Variants in GRM7 observed in about 807,000 individuals in gnomAD.
GRM7 encodes the protein metabotropic glutamate receptor 7.
GRM7 carries 35 observed loss-of-function variants against 84.5 expected under a neutral mutation model. That is an observed-to-expected ratio of 0.41 (90% CI 0.32 to 0.55). The LOEUF (loss-of-function observed/expected upper bound fraction) is 0.55. Ranked by LOEUF, GRM7 falls within the 20% of genes least tolerant of loss-of-function variation. The probability of loss-of-function intolerance (pLI) is 0.19; values close to 1 mark genes in which losing one functional copy is unlikely to be tolerated. For synonymous variants in GRM7, 487 were observed against 455.1 expected (o/e 1.07, Z -0.89); for missense variants, 1,003 against 1,194.6 (o/e 0.84, Z 2.36).
intron 8 of GRM7, among the ~76,000 whole-genome samples, chr3:7,618,185 C>A (rs1697196200): frequency 6.6e-6 from 1 of 152,120 alleles, no homozygotes; most frequent in African/African-American, 2.4e-5. Flanking sequence ...AGCCAAAACT[C>A]CTCCTGCATA....
At chr3:7,487,774 C>T (rs1330547692) in intron 7 of GRM7, among the ~76,000 whole-genome samples, 2 of 152,222 alleles carry the variant, frequency 1.3e-5, no homozygotes, top group African/African-American at 4.8e-5. Flanking sequence ...AGAGCCACCC[C>T]AGAGAGCCTT....
intron 2 of GRM7, among the ~76,000 whole-genome samples, chr3:7,194,485 G>A (rs528558969): frequency 2.0e-5 from 3 of 152,200 alleles, no homozygotes; most frequent in South Asian, 4.2e-4. Context: ...CGGAGTTTTG[G>A]AATATTTTAA....
chr3:7,656,522 A>AATAT (rs576010138), intron 8 of GRM7, among the ~76,000 whole-genome samples: 24 of 128,660 alleles, frequency 1.9e-4, no homozygotes, highest in African/African-American at 4.5e-4. Context: ...AATAAAAAAA[A>AATAT]ATATATATAT....
chr3:7,679,996 C>A, intron 8 of GRM7, 53 bp from the exon 9 acceptor site: 1 of 1,575,122 alleles, frequency 6.3e-7, no homozygotes, highest in African/African-American at 1.3e-5. Context: ...GTGTTCAGAC[C>A]CCTACTGCAG....
intron 4 of GRM7, among the ~76,000 whole-genome samples, chr3:7,316,334 A>G (rs1700581984): frequency 6.6e-6 from 1 of 152,152 alleles, no homozygotes; most frequent in Non-Finnish European, 1.5e-5. Context: ...ATGTACTTAA[A>G]GGATCATATT....
chr3:7,093,450 C>G (rs1397138926), intron 1 of GRM7, among the ~76,000 whole-genome samples: 1 of 151,334 alleles, frequency 6.6e-6, no homozygotes, highest in Non-Finnish European at 1.5e-5. Context: ...GAGGCCGAAG[C>G]GGGTGGATCA....
chr3:7,494,319 A>G lies in GRM7; in HGVS notation c.1515+32597A>G, dbSNP rs888228932. 5.3e-5 allele frequency among the ~76,000 whole-genome samples: 8 copies of G among 152,286 alleles called. No homozygotes were observed. The East Asian group carries it at 7.7e-4, about 15-fold the overall frequency. On this transcript the variant is annotated intron_variant, in intron 7 of 9. Transcript: ENST00000357716. Reference sequence around the variant, plus strand: ...TGTCCTTCTAGCCTGTGTGGTTTCAATGAGGAAATATACTGTCAAGTAAAT... The same window carrying G: ...TGTCCTTCTAGCCTGTGTGGTTTCAGTGAGGAAATATACTGTCAAGTAAAT...
rs1006260832 is a variant in GRM7, at chr3:7,614,532, T to C, written c.2451+35175T>C. On this transcript the variant is annotated intron_variant, in intron 8 of 9. Transcript: ENST00000357716. ...ACTGTGTTCTTCTACTTAAAACATA[T>C]AGTTGGGTTTGATTTTATAATCTAG... 3.9e-5 allele frequency among the ~76,000 whole-genome samples: 6 copies of C among 152,334 alleles called. No homozygotes were observed. The South Asian group carries it at 1.2e-3, about 32-fold the overall frequency.
In GRM7 at chr3:7,486,394, T is replaced by C. The variant is rs575442997; in HGVS notation, c.1515+24672T>C. On this transcript the variant is annotated intron_variant, in intron 7 of 9. Coordinates refer to ENST00000357716, the MANE Select transcript of GRM7 (RefSeq NM_000844.4). The surrounding 1 kb of genome is among the most constrained non-coding windows in gnomAD (Gnocchi z 5.5). ...GCAAAACTGAGGACAAGTTTTGCTG[T>C]TGAGGCTTGGTCTCCAATGTGGCAG... 2.0e-5 allele frequency among the ~76,000 whole-genome samples: 3 copies of C among 152,286 alleles called. No individual in the cohort carries two copies. The highest frequency in any genetic ancestry group is 2.1e-4 in the South Asian group (1 of 4,822).
chr3:6,979,169 G>T lies in GRM7; in HGVS notation c.519+117262G>T, dbSNP rs139360288. ...CCACCATTTGATTTAAGATTTTCTAGCTTCCACGAATTCTCTCTTTTCAGT... is the reference window on the plus strand; with the variant it reads ...CCACCATTTGATTTAAGATTTTCTATCTTCCACGAATTCTCTCTTTTCAGT... On this transcript the variant is annotated intron_variant, in intron 1 of 9. Coordinates refer to ENST00000357716, the MANE Select transcript of GRM7 (RefSeq NM_000844.4). Among the ~76,000 whole-genome samples the T allele has an allele frequency of 7.3e-3, 1,110 of 152,226 alleles. 14 individuals are homozygous for T. The highest frequency in any genetic ancestry group is 0.025 in the African/African-American group (1,037 of 41,536).
chr3:7,726,637 A>C (rs369464966), intron 9 of GRM7, among the ~76,000 whole-genome samples: 11,628 of 104,306 alleles, frequency 0.11, 1,305 homozygotes, highest in Non-Finnish European at 0.12. Context: ...ATATATATAT[A>C]TATATATATA....
chr3:7,714,187 T>C (rs1223253945), intron 9 of GRM7, among the ~76,000 whole-genome samples: 1 of 152,150 alleles, frequency 6.6e-6, no homozygotes, highest in East Asian at 1.9e-4. Flanking sequence ...ACCTGAAGGC[T>C]TTATTAAACA....
intron 2 of GRM7, among the ~76,000 whole-genome samples, chr3:7,157,714 AT>A (rs57023783): frequency 0.53 from 77,517 of 146,666 alleles, 20,530 homozygotes; most frequent in African/African-American, 0.63. Context: ...ATGCTATTTC[AT>A]TTTTTTTTTT....
chr3:6,947,551 G>C (rs977841846), intron 1 of GRM7, among the ~76,000 whole-genome samples: 3 of 152,148 alleles, frequency 2.0e-5, no homozygotes, highest in Non-Finnish European at 4.4e-5. Flanking sequence ...TTTGGCATTA[G>C]GATGATGCTG....
At chr3:7,253,192 A>G (rs780164977) in intron 2 of GRM7, among the ~76,000 whole-genome samples, 3 of 151,746 alleles carry the variant, frequency 2.0e-5, no homozygotes, top group Non-Finnish European at 2.9e-5. Context: ...ATTTACATCA[A>G]CCCTTCGTCA....
At chr3:7,418,582 C>T (rs1447926651) in intron 5 of GRM7, among the ~76,000 whole-genome samples, 1 of 152,096 alleles carries the variant, frequency 6.6e-6, no homozygotes, top group Non-Finnish European at 1.5e-5. Flanking sequence ...GTTCCCCTAC[C>T]CACAGCCCAC....
rs1176130167 is a variant in GRM7 at position 7,486,757 on chromosome 3, A to T, written c.1515+25035A>T. Among the ~76,000 whole-genome samples the T allele has an allele frequency of 6.6e-6, 1 of 152,214 alleles. No homozygotes were observed. The highest frequency in any genetic ancestry group is 1.5e-5 in the Non-Finnish European group (1 of 68,046). On this transcript the variant is annotated intron_variant, in intron 7 of 9. Transcript: ENST00000357716. The surrounding 1 kb of genome is among the most constrained non-coding windows in gnomAD (Gnocchi z 5.5). ...TAATTTATGCAGCCTCAGGTATTCT[A>T]CTACAGCAACACCAAAGAAACTAAG...
At chr3:7,118,206 T>A (rs1233720864) in intron 1 of GRM7, among the ~76,000 whole-genome samples, 1 of 152,008 alleles carries the variant, frequency 6.6e-6, no homozygotes, top group African/African-American at 2.4e-5. Context: ...GGTATCATAG[T>A]GAGACCCTGT....
intron 2 of GRM7, among the ~76,000 whole-genome samples, chr3:7,177,083 T>C (rs1695178169): frequency 1.3e-5 from 2 of 152,158 alleles, no homozygotes; most frequent in Non-Finnish European, 2.9e-5. Flanking sequence ...TTTGTTCCCA[T>C]TCTCTATCAC....
Sources: allele counts gnomAD v4.1 joint callset (sites outside exome capture counted in the v4.1 genomes callset), GRCh38; gene constraint gnomAD v4.1.1; non-coding constraint Gnocchi (gnomAD v3.1); transcripts MANE v1.5; gene names NCBI Gene and HGNC (gene_info 2026-07-23, HGNC 2026-07-21).